Variants in ZNF534 observed in about 807,000 individuals in gnomAD.
ZNF534 encodes KRAB domain only 3.
In ZNF534, 19 loss-of-function variants were observed where a neutral mutation model predicts 13.6. That is an observed-to-expected ratio of 1.40 (90% CI 0.97 to 2.05). The LOEUF is 2.05. Ranked by LOEUF, ZNF534 falls within the 30% of genes most tolerant of loss-of-function variation. The pLI, the probability that ZNF534 is intolerant of heterozygous loss-of-function variation, is 0.00. For missense variants in ZNF534, 782 were observed against 796.3 expected, an observed-to-expected ratio of 0.98 and a Z score of 0.22; for synonymous variants, 244 against 273.8, an observed-to-expected ratio of 0.89 and a Z score of 1.07.
chr19:52,435,643 C>G (rs6509636), intron 4 of ZNF534, among the ~76,000 whole-genome samples: 138,231 of 152,150 alleles, frequency 0.91, 63,164 homozygotes, highest in Non-Finnish European at 0.96. Flanking sequence ...AGCTGGGACT[C>G]TGTGTGTACA....
downstream of ZNF534, among the ~76,000 whole-genome samples, chr19:52,444,349 G>A (rs545681602): frequency 3.5e-4 from 53 of 152,262 alleles, no homozygotes; most frequent in African/African-American, 1.0e-3. Flanking sequence ...CCTGTGATAC[G>A]AACTGTCTAT....
chr19:52,429,843 C>G (rs1482934756), intron 1 of ZNF534, among the ~76,000 whole-genome samples: 1 of 151,972 alleles, frequency 6.6e-6, no homozygotes, highest in Non-Finnish European at 1.5e-5. Context: ...GATCTGCCCG[C>G]CTCATCCTTT....
intron 4 of ZNF534, among the ~76,000 whole-genome samples, chr19:52,447,708 C>T (rs867859039): frequency 3.3e-5 from 5 of 151,754 alleles, no homozygotes; most frequent in Admixed American, 6.7e-5. Flanking sequence ...CTTCTCATAA[C>T]GCAGTGTAGT....
Position 52,438,107 on chromosome 19 carries a change from G to C in ZNF534, c.647G>C (p.Cys216Ser). Residue 216 changes from cysteine (C) to serine (S), a missense_variant, in exon 5 of 5, where the codon TGT becomes TCT. Cys to Ser is a moderately radical substitution (Grantham distance 112). Transcript: ENST00000433050. ...CACATTGCAGATAAAACTTACAAATGTAGTGACTGTGGCGAGATCTTTAGT... is the reference window on the plus strand; with the variant it reads ...CACATTGCAGATAAAACTTACAAATCTAGTGACTGTGGCGAGATCTTTAGT... ...VIHIADKTYKCSDCGEIFSSN... is the reference protein window; with the variant it reads ...VIHIADKTYKSSDCGEIFSSN... The C allele has an allele frequency of 6.2e-7, 1 of 1,614,102 alleles. No homozygotes were observed. The highest frequency in any genetic ancestry group is 8.5e-7 in the Non-Finnish European group (1 of 1,180,008).
intron 2 of ZNF534, among the ~76,000 whole-genome samples, chr19:52,432,092 C>T (rs947977311): frequency 6.6e-5 from 10 of 151,720 alleles, no homozygotes; most frequent in African/African-American, 2.2e-4. Context: ...GAAATTACAT[C>T]TATTTATCAG....
rs534361431 is a variant in ZNF534, at chr19:52,438,926, C to T, written c.1466C>T (p.Thr489Ile). The T allele has an allele frequency of 1.9e-6, 3 of 1,593,584 alleles. No individual in the cohort carries two copies. The highest frequency in any genetic ancestry group is 2.2e-5 in the South Asian group (2 of 89,084). Residue 489 changes from threonine (T) to isoleucine (I), a missense_variant, in exon 5 of 5, where the codon ACT becomes ATT. Thr to Ile is a moderately conservative substitution (Grantham distance 89). This residue lies in a region of ZNF534 where 591 missense variants were observed against 574.0 expected (regional missense o/e 1.03). Coordinates refer to ENST00000433050, the MANE Select transcript of ZNF534 (RefSeq NM_001143938.3). ...SNLQRHRKIH[T>I]GEKLYKCNEC... ...CTTCAACGACATAGGAAAATTCATA[C>T]TGGAGAGAAGCTTTACAAATGTAAT...
chr19:52,445,996 C>T (rs1197359931), downstream of ZNF534, among the ~76,000 whole-genome samples: 2 of 152,062 alleles, frequency 1.3e-5, no homozygotes, highest in Non-Finnish European at 2.9e-5. Context: ...ATGCACATAA[C>T]ACAATAACTG....
chr19:52,443,841 T>C (rs2059185079), downstream of ZNF534, among the ~76,000 whole-genome samples: 1 of 152,080 alleles, frequency 6.6e-6, no homozygotes, highest in African/African-American at 2.4e-5. Flanking sequence ...CCAGAGCATA[T>C]TGCATTTCTG....
At position 52,430,087 on chromosome 19, in the gene ZNF534, C is replaced by T. The variant is rs150748631; in HGVS notation, c.-68+843C>T. On this transcript the variant is annotated intron_variant, in intron 1 of 4. Transcript: ENST00000433050. ...CTGGAGTGCAGTGGCACTGTGTTGG[C>T]TGACTGCAACCTCTGTCTCCTGGGT... is the stretch of plus-strand genomic sequence containing the variant. Among the ~76,000 whole-genome samples the T allele has an allele frequency of 3.9e-3, 597 of 151,904 alleles. 4 individuals carry two copies. Among genetic ancestry groups the T allele is most frequent in the African/African-American group, 0.013 (548 of 41,404 alleles).
At chr19:52,445,615 C>G (rs2059191779), downstream of ZNF534, among the ~76,000 whole-genome samples, 1 of 152,188 alleles carries the variant, frequency 6.6e-6, no homozygotes, top group South Asian at 2.1e-4. Context: ...TTCCCACTTA[C>G]ACAGTTTGGG....
intron 1 of ZNF534, among the ~76,000 whole-genome samples, chr19:52,429,821 C>T (rs558502515): frequency 6.6e-6 from 1 of 152,156 alleles, no homozygotes; most frequent in South Asian, 2.1e-4. Flanking sequence ...TCTCGAACTC[C>T]TGACCTCAGG....
intron 1 of ZNF534, among the ~76,000 whole-genome samples, chr19:52,430,593 C>G (rs2059080671): frequency 6.6e-6 from 1 of 151,252 alleles, no homozygotes; most frequent in East Asian, 2.0e-4. Context: ...CTCTGTCACC[C>G]AGGCTGGAGT....
At chr19:52,444,247 C>G (rs1467187648), downstream of ZNF534, among the ~76,000 whole-genome samples, 1 of 152,096 alleles carries the variant, frequency 6.6e-6, no homozygotes, top group African/African-American at 2.4e-5. Context: ...GAGAGCTGAG[C>G]TGTAGTGATT....
rs2059111658 is a variant in ZNF534, at chr19:52,434,069, C to G, written c.130C>G (p.Leu44Val). 1 of 1,614,000 alleles carries G rather than the reference C, an allele frequency of 6.2e-7. No homozygotes were observed. The highest frequency in any genetic ancestry group is 1.1e-5 in the South Asian group (1 of 91,064). The change falls in exon 3 of 5, where the codon CTG becomes GTG. Residue 44 changes from leucine (L) to valine (V), a missense_variant. Transcript: ENST00000433050. The part of the protein sequence containing the change: ...RDVMLENYRN[L>V]VSLGICLPDL... ...CGTGATGTTAGAGAACTACAGGAAC[C>G]TGGTCTCCCTAGGTGAGGATAATGT...
Position 52,434,997 on chromosome 19 carries a change from G to C in ZNF534, c.143-84G>C, listed in dbSNP as rs556769209. The stretch of plus-strand genomic sequence containing the variant: ...GTGAAATATTATTCTTGATTAATTT[G>C]TAATATGCTGTCTCCTACCTAAATA... On this transcript the variant is annotated intron_variant, in intron 3 of 4. Transcript: ENST00000433050. 2.7e-4 allele frequency: 396 copies of C among 1,471,568 alleles called. 1 individual carries two copies. The highest frequency in any genetic ancestry group is 3.9e-4 in the Admixed American group (17 of 43,550). The allele number at this position is 1,471,568 out of a possible 1,614,324, so 91.2% of individuals were successfully genotyped here.
At chr19:52,443,408 C>T (rs372792929), downstream of ZNF534, among the ~76,000 whole-genome samples, 3 of 152,234 alleles carry the variant, frequency 2.0e-5, no homozygotes, top group South Asian at 2.1e-4. Flanking sequence ...TAGGTTTCAT[C>T]GTTTAACATA....
At chr19:52,436,363 C>T (rs1292867231) in intron 4 of ZNF534, among the ~76,000 whole-genome samples, 1 of 152,108 alleles carries the variant, frequency 6.6e-6, no homozygotes, top group African/African-American at 2.4e-5. Context: ...TTTGTTGATG[C>T]TATCAAACTT....
In ZNF534 at chr19:52,439,188, G is replaced by A; in HGVS notation, c.1728G>A (p.Lys576=). 6.5e-7 allele frequency: 1 copy of A among 1,540,390 alleles called. No individual in the cohort carries two copies. Among genetic ancestry groups the A allele is most frequent in the Non-Finnish European group, 8.8e-7 (1 of 1,139,150 alleles). The change falls in exon 5 of 5, where the codon AAG becomes AAA. Residue 576 remains lysine, a synonymous_variant. Coordinates refer to ENST00000433050, the MANE Select transcript of ZNF534 (RefSeq NM_001143938.3). ...ATAGGAATATTCATACTGGAGAGAA[G>A]CCTCACAGTTGTAATGAATGTGGCA... ...ARHRNIHTGE[K]PHSCNECGKV... is the part of the protein sequence containing the mutation.
Position 52,439,823 on chromosome 19 carries a change from C to T in ZNF534, c.*377C>T, listed in dbSNP as rs1323988966. Among the ~76,000 whole-genome samples the T allele has an allele frequency of 1.3e-5, 2 of 151,950 alleles. No individual in the cohort carries two copies. The highest frequency in any genetic ancestry group is 2.4e-5 in the African/African-American group (1 of 41,364). On this transcript the variant is annotated 3_prime_UTR_variant, in exon 5 of 5. Transcript: ENST00000433050. ...GTGGCTCACGCCTTTAATCCCAGTA[C>T]TTTGGGAGGCCAAGGTGGCCAGATC...
Sources: gnomAD v4.1 joint callset for allele counts (sites outside exome capture counted in the v4.1 genomes callset) on GRCh38, gnomAD v4.1.1 for gene constraint, gnomAD v4.1.1 regional missense constraint, MANE v1.5 for transcripts, NCBI Gene and HGNC (gene_info 2026-07-23, HGNC 2026-07-21) for gene names.